AHCYL2: variants seen among roughly 807,000 people sequenced by gnomAD.
The protein encoded by AHCYL2 is S-adenosylhomocysteine hydrolase-like protein 2.
Under a neutral mutation model 81.4 loss-of-function variants are expected in AHCYL2, and 28 were observed. The ratio of observed to expected loss-of-function variants is 0.34; its 90% CI spans 0.25 to 0.47. The LOEUF (loss-of-function observed/expected upper bound fraction) is 0.47. Among genes scored for constraint, AHCYL2 ranks in the 20% least tolerant of loss-of-function variants. AHCYL2 has a pLI of 1.00. For missense variants in AHCYL2, 551 were observed against 785.1 expected (o/e 0.70, Z 3.56); for synonymous variants, 272 against 290.2 (o/e 0.94, Z 0.64).
At chr7:129,240,170 G>A (rs553911554) in intron 1 of AHCYL2, among the ~76,000 whole-genome samples, 7 of 151,848 alleles carry the variant, frequency 4.6e-5, no homozygotes, top group African/African-American at 7.3e-5. Flanking sequence ...AGCCGAGATC[G>A]CGCCATTGCA....
chr7:129,419,830 G>A lies in AHCYL2; in HGVS notation c.1462-3010G>A, dbSNP rs1454805549. Among the ~76,000 whole-genome samples, 2 of 152,100 alleles carry A rather than the reference G, an allele frequency of 1.3e-5. No individual in the cohort carries two copies. The highest frequency in any genetic ancestry group is 4.8e-5 in the African/African-American group (2 of 41,396). On this transcript the variant is annotated intron_variant, in intron 12 of 16. Coordinates refer to ENST00000325006, the MANE Select transcript of AHCYL2 (RefSeq NM_015328.4). The surrounding 1 kb of genome is among the most constrained non-coding windows in gnomAD (Gnocchi z 4.7). The stretch of plus-strand genomic sequence containing the variant: ...ATGAGTGGCCAGTTTATGGTGGGAT[G>A]TACACCTGGTTTGGGAAGGTAGTCT...
chr7:129,337,556 C>T (rs1472942728), intron 1 of AHCYL2, among the ~76,000 whole-genome samples: 18 of 152,020 alleles, frequency 1.2e-4, no homozygotes, highest in African/African-American at 3.4e-4. Context: ...CACACCACCA[C>T]GCCTGGCTAA....
chr7:129,374,702 G>C (rs2150871768), intron 1 of AHCYL2, among the ~76,000 whole-genome samples: 1 of 151,510 alleles, frequency 6.6e-6, no homozygotes, highest in South Asian at 2.1e-4. Flanking sequence ...AGCTACTTGG[G>C]AGTCTGAGGT....
chr7:129,280,464 C>T (rs1180497748), intron 1 of AHCYL2, among the ~76,000 whole-genome samples: 4 of 152,122 alleles, frequency 2.6e-5, no homozygotes, highest in Non-Finnish European at 4.4e-5. Flanking sequence ...CCACTATGCT[C>T]GGCCCTAAAT....
chr7:129,356,669 T>A (rs1046461224), intron 1 of AHCYL2, among the ~76,000 whole-genome samples: 1 of 152,210 alleles, frequency 6.6e-6, no homozygotes, highest in Non-Finnish European at 1.5e-5. Context: ...CCAGAAAAAT[T>A]AGAAAACAGA....
intron 1 of AHCYL2, among the ~76,000 whole-genome samples, chr7:129,347,176 A>G (rs1472718102): frequency 6.6e-6 from 1 of 152,070 alleles, no homozygotes; most frequent in Non-Finnish European, 1.5e-5. Flanking sequence ...TAGGGCCGTG[A>G]AATCATCCTG....
At chr7:129,258,406 C>T (rs1795503297) in intron 1 of AHCYL2, among the ~76,000 whole-genome samples, 2 of 152,024 alleles carry the variant, frequency 1.3e-5, no homozygotes, top group African/African-American at 2.4e-5. Context: ...GAAGATAATA[C>T]TTAGTGACAT....
At chr7:129,240,386 A>G (rs1375608574) in intron 1 of AHCYL2, among the ~76,000 whole-genome samples, 1 of 152,038 alleles carries the variant, frequency 6.6e-6, no homozygotes, top group African/African-American at 2.4e-5. Flanking sequence ...CCAACAGGTA[A>G]TGCTTAAAAC....
rs950586493 is a variant in AHCYL2, at chr7:129,405,820, T to G, written c.1143-16T>G. The stretch of plus-strand genomic sequence containing the variant: ...AAGAGAAGATTTTTCTGATTTAATG[T>G]TTTTTTTTCCCCTAGACTTAAAAGG... On this transcript the variant is annotated splice_polypyrimidine_tract_variant and intron_variant, in intron 8 of 16. Coordinates refer to ENST00000325006, the MANE Select transcript of AHCYL2 (RefSeq NM_015328.4). The G allele has an allele frequency of 6.4e-7, 1 of 1,574,480 alleles. No homozygotes were observed. The highest frequency in any genetic ancestry group is 8.6e-7 in the Non-Finnish European group (1 of 1,156,084).
chr7:129,238,878 A>G (rs1193453164), intron 1 of AHCYL2, among the ~76,000 whole-genome samples: 3 of 152,106 alleles, frequency 2.0e-5, no homozygotes, highest in Non-Finnish European at 4.4e-5. Context: ...GCTTGAATCC[A>G]GGGGTGGAGG....
intron 1 of AHCYL2, among the ~76,000 whole-genome samples, chr7:129,354,541 C>T (rs1793673444): frequency 6.6e-6 from 1 of 152,104 alleles, no homozygotes. Flanking sequence ...GCAGAACAGT[C>T]CAGGCGTAGG....
intron 1 of AHCYL2, among the ~76,000 whole-genome samples, chr7:129,251,360 T>A (rs1171262618): frequency 6.8e-6 from 1 of 147,660 alleles, no homozygotes; most frequent in Admixed American, 6.9e-5. Flanking sequence ...AGTGATTAAA[T>A]CAGTTTGTTT....
chr7:129,327,629 C>A (rs570791258), intron 1 of AHCYL2, among the ~76,000 whole-genome samples: 3 of 152,052 alleles, frequency 2.0e-5, no homozygotes, highest in Non-Finnish European at 4.4e-5. Flanking sequence ...CCTTGCCTGG[C>A]TAATTTTTGT....
chr7:129,397,362 T>C (rs1684710130), intron 5 of AHCYL2, 38 bp downstream of exon 5: 2 of 1,580,278 alleles, frequency 1.3e-6, no homozygotes, highest in East Asian at 4.5e-5. Context: ...CTAAAGTAAG[T>C]CTATTTGGAG....
chr7:129,330,903 G>A (rs1166298123), intron 1 of AHCYL2, among the ~76,000 whole-genome samples: 3 of 152,108 alleles, frequency 2.0e-5, no homozygotes, highest in African/African-American at 4.8e-5. Flanking sequence ...ACTTCAAATC[G>A]TTAGTCATCA....
intron 1 of AHCYL2, among the ~76,000 whole-genome samples, chr7:129,236,549 C>T (rs1288982698): frequency 3.9e-5 from 6 of 152,038 alleles, no homozygotes; most frequent in Non-Finnish European, 7.4e-5. Context: ...CCATGTTGCC[C>T]ATGTGGGTCT....
intron 12 of AHCYL2, among the ~76,000 whole-genome samples, chr7:129,414,626 G>A (rs1796758066): frequency 6.6e-6 from 1 of 151,892 alleles, no homozygotes. Context: ...TCACCATATT[G>A]GCTAGGCTGG....
chr7:129,243,350 G>C (rs1458058174), intron 1 of AHCYL2, among the ~76,000 whole-genome samples: 4 of 151,774 alleles, frequency 2.6e-5, no homozygotes, highest in South Asian at 4.2e-4. Flanking sequence ...TTCCTTATCA[G>C]ATATGTGTGT....
Position 129,403,458 on chromosome 7 carries a change from T to C in AHCYL2, c.998T>C (p.Val333Ala). Residue 333 changes from valine to alanine, a missense_variant, in exon 7 of 17, where the codon GTA (valine) becomes GCA (alanine). By Grantham distance (64) the Val-to-Ala change is moderately conservative. Around this residue, in one of 2 missense-constraint regions of AHCYL2, gnomAD observed 316 missense variants for 543.1 expected, o/e 0.58. Transcript: ENST00000325006. ...ATGTTTAAGAAAATCAAGGGCATAG[T>C]AGAGGAGAGTGTTACTGGAGTTCAC... is the stretch of plus-strand genomic sequence containing the variant. ...PNMFKKIKGI[V>A]EESVTGVHRL... 1 of 1,610,634 alleles carries C rather than the reference T, an allele frequency of 6.2e-7. No homozygotes were observed. The highest frequency in any genetic ancestry group is 8.5e-7 in the Non-Finnish European group (1 of 1,178,228).
Sources: gnomAD v4.1 joint callset for allele counts (sites outside exome capture counted in the v4.1 genomes callset) on GRCh38, gnomAD v4.1.1 for gene constraint, gnomAD v4.1.1 regional missense constraint, Gnocchi (gnomAD v3.1) non-coding constraint, MANE v1.5 for transcripts, NCBI Gene and HGNC (gene_info 2026-07-23, HGNC 2026-07-21) for gene names.